The following SBK1 variants were observed in gnomAD, a reference collection of about 807,000 sequenced individuals.
SBK1 encodes SH3 domain binding kinase 1.
SBK1 carries 11 observed loss-of-function variants against 24.4 expected under a neutral mutation model. The ratio of observed to expected loss-of-function variants is 0.45; its 90% confidence interval spans 0.28 to 0.75. The LOEUF (loss-of-function observed/expected upper bound fraction) is 0.75. Among genes scored for constraint, SBK1 ranks in the 30% least tolerant of loss-of-function variants. The pLI, the probability that SBK1 is intolerant of heterozygous loss-of-function variation, is 0.12. For synonymous variants in SBK1, 308 were observed against 284.4 expected (o/e 1.08, Z -0.83); for missense variants, 467 against 620.5 (o/e 0.75, Z 2.63).
chr16:28,258,775 C>T (rs1054476974), upstream of SBK1: 2 of 152,560 alleles, frequency 1.3e-5, no homozygotes, highest in Non-Finnish European at 2.9e-5. Context: ...GAACTTTTCT[C>T]GAGGACAGCG....
intron 1 of SBK1, among the ~76,000 whole-genome samples, chr16:28,315,861 G>A (rs879619591): frequency 1.3e-5 from 2 of 152,156 alleles, no homozygotes; most frequent in East Asian, 1.9e-4. Context: ...CACCTCCAGG[G>A]TTCAAGAAGT....
At position 28,301,688 on chromosome 16, in the gene SBK1, A is replaced by C. The variant is rs567348790; in HGVS notation, c.-8+8388A>C. ...CATCTACAGAACAGAAAACCAAGGC[A>C]CAGTGAGAGGAAGGCCTTCCCCAGG... On this transcript the variant is annotated intron_variant, in intron 1 of 3. Coordinates refer to ENST00000341901, the MANE Select transcript of SBK1 (RefSeq NM_001024401.3). Among the ~76,000 whole-genome samples the C allele has an allele frequency of 7.9e-5, 12 of 152,344 alleles. No homozygotes were observed. In the East Asian group the frequency reaches 2.3e-3, roughly 29 times the overall value.
chr16:28,283,081 C>T (rs2044543647), intron 1 of SBK1, among the ~76,000 whole-genome samples: 1 of 151,980 alleles, frequency 6.6e-6, no homozygotes, highest in Admixed American at 6.6e-5. Context: ...TACAGGTGTG[C>T]ACCACCACAC....
In SBK1 at chr16:28,320,315, C is replaced by T; in HGVS notation, c.669C>T (p.Gly223=). 6.3e-7 allele frequency: 1 copy of T among 1,591,546 alleles called. No individual in the cohort carries two copies. The highest frequency in any genetic ancestry group is 8.5e-7 in the Non-Finnish European group (1 of 1,175,270). The change falls in exon 4 of 4, where the codon GGC becomes GGT. Residue 223 remains glycine (G), a synonymous_variant. Coordinates refer to ENST00000341901, the MANE Select transcript of SBK1 (RefSeq NM_001024401.3). This position sits in a 1 kb window ranked among gnomAD's most constrained non-coding sequence, Gnocchi z 8.5. ...CGGCGCCTGAGGTGTGCCAGGCGGG[C>T]CGCGCCGACGGGCTGGCGGTGGACA... ...PYTAPEVCQA[G]RADGLAVDTG...
Position 28,319,174 on chromosome 16 carries a change from CT to C in SBK1, c.407del (p.Leu136ArgfsTer16). On this transcript the variant is annotated frameshift_variant, in exon 3 of 4. Transcript: ENST00000341901. LOFTEE classifies it high-confidence loss of function. This position sits in a 1 kb window ranked among gnomAD's most constrained non-coding sequence, Gnocchi z 4.0. ...FAQEYAPAGD[L>X]FDIIPPQVGL... ...CCAGGAGTACGCACCTGCTGGGGACCTGTTTGACATCATCCCTCCCCAGGTA... is the reference window on the plus strand; with the variant it reads ...CCAGGAGTACGCACCTGCTGGGGACCGTTTGACATCATCCCTCCCCAGGTA... 6.2e-7 allele frequency: 1 copy of C among 1,613,998 alleles called. No homozygotes were observed. Among genetic ancestry groups the C allele is most frequent in the Non-Finnish European group, 8.5e-7 (1 of 1,179,930 alleles).
chr16:28,303,574 G>A (rs1389563763), intron 1 of SBK1, among the ~76,000 whole-genome samples: 1 of 129,084 alleles, frequency 7.7e-6, no homozygotes, highest in East Asian at 2.4e-4. Flanking sequence ...GAGTGCAGTG[G>A]TGCAATCATA....
At chr16:28,300,374 C>T (rs2044670568) in intron 1 of SBK1, among the ~76,000 whole-genome samples, 1 of 152,074 alleles carries the variant, frequency 6.6e-6, no homozygotes, top group Non-Finnish European at 1.5e-5. Context: ...GGCTGGAGTG[C>T]AGTGGCGTCA....
At chr16:28,315,762 A>G (rs1159058973) in intron 1 of SBK1, among the ~76,000 whole-genome samples, 2 of 152,098 alleles carry the variant, frequency 1.3e-5, no homozygotes, top group East Asian at 1.9e-4. Flanking sequence ...CCCTGTCTCA[A>G]TACAAATACA....
chr16:28,317,389 A>G lies in SBK1; in HGVS notation c.-3A>G, dbSNP rs1326617782. 1.2e-6 allele frequency: 2 copies of G among 1,612,454 alleles called. No individual in the cohort carries two copies. Among genetic ancestry groups the G allele is most frequent in the Non-Finnish European group, 1.7e-6 (2 of 1,178,902 alleles). ...CTCACCACCCCTACCCAACAGGGAG[A>G]AGATGAGCGTGGGCTGCCCAGAGCC... On this transcript the variant is annotated 5_prime_UTR_variant, in exon 2 of 4. Coordinates refer to ENST00000341901, the MANE Select transcript of SBK1 (RefSeq NM_001024401.3). The surrounding 1 kb of genome is among the most constrained non-coding windows in gnomAD (Gnocchi z 4.2).
At chr16:28,309,199 G>A (rs1459078573) in intron 1 of SBK1, among the ~76,000 whole-genome samples, 1 of 152,148 alleles carries the variant, frequency 6.6e-6, no homozygotes, top group African/African-American at 2.4e-5. Context: ...CAAACCAGCT[G>A]CAGAAGAAGA....
Position 28,317,666 on chromosome 16 carries a change from C to T in SBK1, c.226+49C>T. The T allele has an allele frequency of 1.0e-6, 1 of 978,882 alleles. No homozygotes were observed. Among genetic ancestry groups the T allele is most frequent in the South Asian group, 1.3e-5 (1 of 77,826 alleles). 60.6% of individuals were successfully genotyped at this position (978,882 alleles called of 1,614,324 possible). ...GCTGAGAGGTTGGGGTGGGGCAGGG[C>T]TGGGAGGTCAGGGTTGGGGGACATG... is the stretch of plus-strand genomic sequence containing the variant. On this transcript the variant is annotated intron_variant, in intron 2 of 3. Transcript: ENST00000341901. The surrounding 1 kb of genome is among the most constrained non-coding windows in gnomAD (Gnocchi z 4.2).
chr16:28,303,507 C>CTTTTTTTTTTTTTTTTTTTT (rs143613970), intron 1 of SBK1, among the ~76,000 whole-genome samples: 47 of 58,070 alleles, frequency 8.1e-4, no homozygotes, highest in South Asian at 3.7e-3. Flanking sequence ...CTTTTCTTTT[C>CTTTTTTTTTTTTTTTTTTTT]TTTTTTTTTT....
At chr16:28,264,506 G>A (rs1479624293) in intron 1 of SBK1, among the ~76,000 whole-genome samples, 2 of 151,836 alleles carry the variant, frequency 1.3e-5, no homozygotes, top group African/African-American at 4.8e-5. Flanking sequence ...CCCGGGAGGC[G>A]GAGGTTGCAG....
chr16:28,296,871 G>T (rs879507139), intron 1 of SBK1, among the ~76,000 whole-genome samples: 18 of 152,122 alleles, frequency 1.2e-4, no homozygotes, highest in Non-Finnish European at 2.4e-4. Flanking sequence ...GGACTCTTGG[G>T]GCAGGGCTAC....
At chr16:28,298,990 A>T (rs1294391346) in intron 1 of SBK1, among the ~76,000 whole-genome samples, 1 of 152,204 alleles carries the variant, frequency 6.6e-6, no homozygotes, top group Non-Finnish European at 1.5e-5. Context: ...TGACTTTCTG[A>T]GCCAGGGCTC....
In SBK1 at chr16:28,302,968, G is replaced by GGC. The variant is rs576878602; in HGVS notation, c.-8+9669_-8+9670insCG. On this transcript the variant is annotated intron_variant, in intron 1 of 3. Transcript: ENST00000341901. The stretch of plus-strand genomic sequence containing the variant: ...AAAAAATAGAGCAGGGCATGGGGGG[G>GGC]GGTCAGGAGTGCAGTAGGGCAATCC... Among the ~76,000 whole-genome samples the GGC allele has an allele frequency of 5.9e-5, 9 of 151,880 alleles. No homozygotes were observed. The South Asian group carries it at 1.0e-3, about 18-fold the overall frequency.
rs918981378 is a variant in SBK1 at position 28,319,447 on chromosome 16, G to A, written c.429+250G>A. ...GTGCCTAAAAGGAGACAGTGAGAAT[G>A]ATGGGATGAAGTCACTGGGCCCTCC... On this transcript the variant is annotated intron_variant, in intron 3 of 3. Coordinates refer to ENST00000341901, the MANE Select transcript of SBK1 (RefSeq NM_001024401.3). This position sits in a 1 kb window ranked among gnomAD's most constrained non-coding sequence, Gnocchi z 4.0. 8.5e-5 allele frequency among the ~76,000 whole-genome samples: 13 copies of A among 152,138 alleles called. No homozygotes were observed. Among genetic ancestry groups the A allele is most frequent in the African/African-American group, 3.1e-4 (13 of 41,426 alleles).
At chr16:28,271,053 C>T (rs887482647) in intron 1 of SBK1, among the ~76,000 whole-genome samples, 46 of 151,192 alleles carry the variant, frequency 3.0e-4, no homozygotes, top group Non-Finnish European at 5.5e-4. Context: ...TTAGTAGAGA[C>T]GGGGTTTCAC....
chr16:28,313,831 C>G (rs1016939404), intron 1 of SBK1, among the ~76,000 whole-genome samples: 1 of 151,934 alleles, frequency 6.6e-6, no homozygotes, highest in East Asian at 1.9e-4. Flanking sequence ...GAGGCTGGGT[C>G]GTGCCGAGAG....
Sources: gnomAD v4.1 joint callset for allele counts (sites outside exome capture counted in the v4.1 genomes callset) on GRCh38, gnomAD v4.1.1 for gene constraint, Gnocchi (gnomAD v3.1) non-coding constraint, MANE v1.5 for transcripts, NCBI Gene and HGNC (gene_info 2026-07-23, HGNC 2026-07-21) for gene names.